Variants in PRKG1 observed in about 807,000 individuals in gnomAD.
The protein encoded by PRKG1 is protein kinase cGMP-dependent 1, also known as cGMP-dependent protein kinase 1.
Under a neutral mutation model 88.1 loss-of-function variants are expected in PRKG1, and 35 were observed. The observed-to-expected ratio is 0.40, with a 90% CI of 0.30 to 0.53. The LOEUF (loss-of-function observed/expected upper bound fraction) is 0.53, where lower values mean the gene tolerates loss of function less well. PRKG1 is among the 20% of genes least tolerant of loss of function. The pLI is 0.59. For missense variants in PRKG1, 540 were observed against 839.8 expected (o/e 0.64, Z 4.41); for synonymous variants, 303 against 292.5 (o/e 1.04, Z -0.37).
At chr10:51,437,134 C>T (rs960395579) in intron 2 of PRKG1, among the ~76,000 whole-genome samples, 1 of 151,912 alleles carries the variant, frequency 6.6e-6, no homozygotes. Flanking sequence ...TGAAGTCTAA[C>T]TAGGAGAGAT....
At chr10:52,072,889 C>G (rs1294333337) in intron 7 of PRKG1, among the ~76,000 whole-genome samples, 1 of 152,184 alleles carries the variant, frequency 6.6e-6, no homozygotes, top group Non-Finnish European at 1.5e-5. Flanking sequence ...GTGATGATGA[C>G]AAAGTATTTG....
intron 8 of PRKG1, among the ~76,000 whole-genome samples, chr10:52,146,357 C>A (rs539507319): frequency 6.6e-6 from 1 of 152,074 alleles, no homozygotes; most frequent in African/African-American, 2.4e-5. Context: ...TTTTCTCCTG[C>A]GTTGTCTACA....
intron 3 of PRKG1, among the ~76,000 whole-genome samples, chr10:51,472,072 T>C (rs1047957204): frequency 1.3e-5 from 2 of 151,882 alleles, no homozygotes; most frequent in African/African-American, 2.4e-5. Flanking sequence ...TTAATAATGT[T>C]GGGTAAAAAA....
chr10:51,596,552 C>G (rs1838454102), intron 3 of PRKG1, among the ~76,000 whole-genome samples: 1 of 152,134 alleles, frequency 6.6e-6, no homozygotes, highest in Non-Finnish European at 1.5e-5. Context: ...CTTCCTCAAA[C>G]AGCTCAGTCC....
chr10:51,463,390 T>C (rs539616105), intron 2 of PRKG1, among the ~76,000 whole-genome samples: 1 of 152,316 alleles, frequency 6.6e-6, no homozygotes, highest in South Asian at 2.1e-4. Context: ...CTATTTGTTT[T>C]ACCCTCTTTG....
chr10:51,764,324 T>C (rs1838099505), intron 3 of PRKG1, among the ~76,000 whole-genome samples: 1 of 152,072 alleles, frequency 6.6e-6, no homozygotes, highest in African/African-American at 2.4e-5. Flanking sequence ...TGCTGGAAGG[T>C]TTAAAAGTAC....
At chr10:52,234,228 A>G (rs930360736) in intron 9 of PRKG1, among the ~76,000 whole-genome samples, 1 of 152,234 alleles carries the variant, frequency 6.6e-6, no homozygotes, top group African/African-American at 2.4e-5. Context: ...AACAGAACAG[A>G]AAAACTGGAA....
At chr10:52,107,356 G>A (rs1469127350) in intron 7 of PRKG1, among the ~76,000 whole-genome samples, 1 of 152,112 alleles carries the variant, frequency 6.6e-6, no homozygotes, top group Non-Finnish European at 1.5e-5. Flanking sequence ...TATTTTAATT[G>A]CTAAACAACA....
intron 5 of PRKG1, among the ~76,000 whole-genome samples, chr10:51,944,397 A>G (rs531190537): frequency 1.3e-5 from 2 of 152,102 alleles, no homozygotes; most frequent in East Asian, 1.9e-4. Context: ...GATCCTTTCA[A>G]AAAACCAGCT....
At chr10:51,662,978 G>T (rs75211811) in intron 3 of PRKG1, among the ~76,000 whole-genome samples, 4,333 of 152,132 alleles carry the variant, frequency 0.028, 179 homozygotes, top group African/African-American at 0.095. Context: ...AGCGAGTTCG[G>T]CTTTTAACCT....
At chr10:51,709,075 A>G (rs1454613412) in intron 3 of PRKG1, among the ~76,000 whole-genome samples, 1 of 152,240 alleles carries the variant, frequency 6.6e-6, no homozygotes, top group East Asian at 1.9e-4. Flanking sequence ...CTTCCTCTAA[A>G]TCATTCTCTC....
At chr10:52,132,481 C>T (rs1164031469) in intron 7 of PRKG1, among the ~76,000 whole-genome samples, 2 of 151,900 alleles carry the variant, frequency 1.3e-5, no homozygotes, top group African/African-American at 2.4e-5. Context: ...CATGGTATAG[C>T]AACAGTGAAA....
At chr10:52,085,285 A>AT (rs1175897015) in intron 7 of PRKG1, among the ~76,000 whole-genome samples, 1 of 147,590 alleles carries the variant, frequency 6.8e-6, no homozygotes, top group Non-Finnish European at 1.5e-5. Context: ...TTGATTTAGC[A>AT]TCCATTGATG....
chr10:51,865,557 A>G (rs1470501334), intron 4 of PRKG1, among the ~76,000 whole-genome samples: 1 of 152,054 alleles, frequency 6.6e-6, no homozygotes, highest in Non-Finnish European at 1.5e-5. Context: ...AATCTGCCTT[A>G]TATTAGAAAA....
chr10:51,957,555 A>G (rs73339230), intron 5 of PRKG1, among the ~76,000 whole-genome samples: 3,454 of 152,222 alleles, frequency 0.023, 140 homozygotes, highest in African/African-American at 0.079. Flanking sequence ...GGCTTCCCCA[A>G]TTGCTGAGAT....
chr10:52,162,404 T>C (rs1023647714), intron 9 of PRKG1, among the ~76,000 whole-genome samples: 8 of 152,112 alleles, frequency 5.3e-5, no homozygotes, highest in African/African-American at 1.9e-4. Flanking sequence ...TATGAGATGG[T>C]AAATATCCCA....
chr10:51,302,550 A>G (rs1840919005), intron 2 of PRKG1: 2 of 93,216 alleles, frequency 2.1e-5, no homozygotes, highest in Non-Finnish European at 4.1e-5. Context: ...TGGTAGCAAA[A>G]CATCACTTTT....
intron 5 of PRKG1, among the ~76,000 whole-genome samples, chr10:51,994,648 T>C (rs1844391918): frequency 6.6e-6 from 1 of 152,202 alleles, no homozygotes. Flanking sequence ...CGTAGTGCTT[T>C]TGATGCTTGC....
At chr10:51,071,264 C>T (rs544046292), upstream of PRKG1, among the ~76,000 whole-genome samples, 7 of 152,128 alleles carry the variant, frequency 4.6e-5, no homozygotes, top group South Asian at 8.3e-4. Flanking sequence ...GAAACCTGGT[C>T]GCTCAAGATC....
Sources: allele counts gnomAD v4.1 joint callset (sites outside exome capture counted in the v4.1 genomes callset), GRCh38; gene constraint gnomAD v4.1.1; transcripts MANE v1.5; gene names NCBI Gene and HGNC (gene_info 2026-07-23, HGNC 2026-07-21).